EIF3L: variants seen among roughly 807,000 people sequenced by gnomAD.
EIF3L encodes eukaryotic translation initiation factor 3 subunit L, also known as eIEF associated protein HSPC021.
A neutral mutation model predicts 74.6 loss-of-function variants in EIF3L; 32 were observed. The observed-to-expected ratio is 0.43, with a 90% CI of 0.32 to 0.58. The LOEUF is 0.58. Ranked by LOEUF, EIF3L falls within the 20% of genes least tolerant of loss-of-function variation. The pLI is 0.06. For synonymous variants in EIF3L, 256 were observed against 254.4 expected (o/e 1.01, Z -0.06); for missense variants, 474 against 707.8 (o/e 0.67, Z 3.75).
intron 10 of EIF3L, 153 bp downstream of exon 10, chr22:37,876,164 T>TAGATC: frequency 1.3e-6 from 1 of 750,750 alleles, no homozygotes; most frequent in Non-Finnish European, 2.1e-6. Context: ...TGCCTACTAA[T>TAGATC]AGATCACCCA....
intron 11 of EIF3L, chr22:37,883,580 C>CA (rs139848): frequency 0.4 from 59,305 of 148,072 alleles, 11,919 homozygotes; most frequent in Middle Eastern, 0.42. Context: ...GACTCCATCT[C>CA]AAAAAAAAAA....
chr22:37,859,257 ACTC>A (rs916992502), intron 5 of EIF3L, among the ~76,000 whole-genome samples: 32 of 151,200 alleles, frequency 2.1e-4, no homozygotes, highest in African/African-American at 7.3e-4. Context: ...AAGTGACAAA[ACTC>A]CTTGAATCTA....
At chr22:37,862,748 T>G (rs1341556344) in intron 5 of EIF3L, among the ~76,000 whole-genome samples, 2 of 152,208 alleles carry the variant, frequency 1.3e-5, no homozygotes, top group Non-Finnish European at 2.9e-5. Flanking sequence ...TGAGGGTCAT[T>G]TAAGGTCTGT....
chr22:37,870,710 CT>C (rs139799195), intron 8 of EIF3L, among the ~76,000 whole-genome samples: 2,336 of 151,268 alleles, frequency 0.015, 56 homozygotes, highest in African/African-American at 0.053. Flanking sequence ...AAATTTTTTT[CT>C]TTTTTTTTCA....
intron 10 of EIF3L, chr22:37,876,294 AAT>A: frequency 4.4e-6 from 1 of 226,282 alleles, no homozygotes; most frequent in African/African-American, 2.5e-5. Flanking sequence ...AACACCGGCT[AAT>A]TTTTTTTTTT....
chr22:37,862,860 G>A, intron 5 of EIF3L, 109 bp from the exon 6 acceptor site: 2 of 797,938 alleles, frequency 2.5e-6, no homozygotes, highest in East Asian at 5.2e-5. Context: ...AAGAAAGAGA[G>A]GACAGATACC....
intron 3 of EIF3L, among the ~76,000 whole-genome samples, chr22:37,852,532 T>C (rs1483224466): frequency 6.6e-6 from 1 of 152,056 alleles, no homozygotes; most frequent in Non-Finnish European, 1.5e-5. Flanking sequence ...ACCAAGGAAA[T>C]AGAATTTAAG....
chr22:37,862,335 A>G (rs532764739), intron 5 of EIF3L, among the ~76,000 whole-genome samples: 1 of 152,316 alleles, frequency 6.6e-6, no homozygotes, highest in East Asian at 1.9e-4. Context: ...CAAGCAACAT[A>G]AAGACCAGAC....
chr22:37,866,879 C>T (rs547372277), intron 7 of EIF3L, among the ~76,000 whole-genome samples: 19 of 152,160 alleles, frequency 1.2e-4, no homozygotes, highest in Non-Finnish European at 2.1e-4. Flanking sequence ...AATCAGTGTA[C>T]AGTGGATGAG....
At chr22:37,869,018 A>G (rs1569117710) in intron 7 of EIF3L, among the ~76,000 whole-genome samples, 1 of 152,100 alleles carries the variant, frequency 6.6e-6, no homozygotes, top group African/African-American at 2.4e-5. Context: ...CTCATGATCC[A>G]TCCACCTTGG....
chr22:37,850,188 G>C, intron 2 of EIF3L, 125 bp downstream of exon 2: 1 of 993,538 alleles, frequency 1.0e-6, no homozygotes, highest in East Asian at 2.4e-5. Context: ...TCAGTCATTA[G>C]CTGCCAGTGC....
At chr22:37,866,143 G>A (rs1325126597) in intron 7 of EIF3L, among the ~76,000 whole-genome samples, 1 of 152,200 alleles carries the variant, frequency 6.6e-6, no homozygotes, top group Non-Finnish European at 1.5e-5. Flanking sequence ...CCTTGTTGAT[G>A]TTTCTCAGGC....
chr22:37,878,417 T>TA (rs34181613), intron 11 of EIF3L: 5,311 of 143,078 alleles, frequency 0.037, 122 homozygotes, highest in East Asian at 0.17. Context: ...TTTTCTCTAT[T>TA]AAAAAAAAAA....
intron 11 of EIF3L, chr22:37,881,909 A>G (rs866368558): frequency 2.6e-5 from 4 of 152,210 alleles, no homozygotes; most frequent in South Asian, 2.1e-4. Flanking sequence ...GCTTATAGCT[A>G]TAATCCCAAT....
intron 4 of EIF3L, among the ~76,000 whole-genome samples, chr22:37,857,391 A>AT (rs1925584514): frequency 6.6e-6 from 1 of 150,894 alleles, no homozygotes; most frequent in Non-Finnish European, 1.5e-5. Flanking sequence ...AAAAAAAAAA[A>AT]ACCAATATTA....
chr22:37,858,702 A>G lies in EIF3L; in HGVS notation c.397A>G (p.Lys133Glu), dbSNP rs1925676550. The G allele has an allele frequency of 6.2e-7, 1 of 1,611,050 alleles. No homozygotes were observed. The highest frequency in any genetic ancestry group is 8.5e-7 in the Non-Finnish European group (1 of 1,179,160). Residue 133 changes from lysine to glutamate, a missense_variant, in exon 5 of 13, where the codon AAA (lysine) becomes GAA (glutamate). Physicochemically the swap from Lys to Glu is moderately conservative, Grantham distance 56 (BLOSUM62 1). Transcript: ENST00000652021. ...AGATGCTGTCTTCCTGATTTTATAC[A>G]AAGAATTATACTACAGGCACATATA... The part of the protein sequence containing the change: ...GNDAVFLILY[K>E]ELYYRHIYAK...
chr22:37,855,271 T>C (rs774498887), intron 3 of EIF3L, among the ~76,000 whole-genome samples: 2 of 152,290 alleles, frequency 1.3e-5, no homozygotes, highest in African/African-American at 2.4e-5. Flanking sequence ...GTAGTTCTTA[T>C]AGCAGAAAAC....
rs1033295768 is a variant in EIF3L, at chr22:37,862,959, T to C, written c.436-10T>C. On this transcript the variant is annotated splice_polypyrimidine_tract_variant and intron_variant, in intron 5 of 12. Transcript: ENST00000652021. The stretch of plus-strand genomic sequence containing the variant: ...TATCTGTATCTTGATATCTCTTGTT[T>C]TCTTTACAGGGGGGACCTTCCTTGG... 6.2e-7 allele frequency: 1 copy of C among 1,602,308 alleles called. No individual in the cohort carries two copies. Among genetic ancestry groups the C allele is most frequent in the African/African-American group, 1.3e-5 (1 of 74,368 alleles).
rs1391202859 is a variant in EIF3L, at chr22:37,855,650, T to A, written c.373+6T>A. The A allele has an allele frequency of 6.2e-7, 1 of 1,612,980 alleles. No individual in the cohort carries two copies. Among genetic ancestry groups the A allele is most frequent in the Non-Finnish European group, 8.5e-7 (1 of 1,178,988 alleles). Reference sequence around the variant, plus strand: ...TGCTCCACAGGTTGGCAATGGTAGGTGTGAGCTCTTTATATCTTGTGCACT... The same window carrying A: ...TGCTCCACAGGTTGGCAATGGTAGGAGTGAGCTCTTTATATCTTGTGCACT... On this transcript the variant is annotated splice_donor_region_variant and intron_variant, in intron 4 of 12. Transcript: ENST00000652021.
Sources: allele counts gnomAD v4.1 joint callset (sites outside exome capture counted in the v4.1 genomes callset), GRCh38; gene constraint gnomAD v4.1.1; transcripts MANE v1.5; gene names NCBI Gene and HGNC (gene_info 2026-07-23, HGNC 2026-07-21).